Variants in TTF2 observed in about 807,000 individuals in gnomAD.
TTF2 encodes RNA polymerase II termination factor.
TTF2 carries 108 observed loss-of-function variants against 142.4 expected under a neutral mutation model. That is an observed-to-expected ratio of 0.76 (90% confidence interval 0.65 to 0.89). The LOEUF (loss-of-function observed/expected upper bound fraction) is 0.89, where lower values mean the gene tolerates loss of function less well. TTF2 is among the 40% of genes least tolerant of loss of function. The pLI is 0.00. For synonymous variants in TTF2, 483 were observed against 506.2 expected, an observed-to-expected ratio of 0.95 and a Z score of 0.61; for missense variants, 1,327 against 1,379.8, an observed-to-expected ratio of 0.96 and a Z score of 0.61.
chr1:117,095,951 G>C (rs1557831302), intron 19 of TTF2, among the ~76,000 whole-genome samples, 198 bp from the exon 20 acceptor site: 1 of 152,000 alleles, frequency 6.6e-6, no homozygotes, highest in Non-Finnish European at 1.5e-5. Flanking sequence ...ATAAATTGTA[G>C]AAAGGACCTA....
Position 117,076,606 on chromosome 1 carries a change from A to C in TTF2, c.1391-35A>C. Reference sequence around the variant, plus strand: ...TATGGTCCCTTCACTTAGTTTGCTGAACTTTAATCTGCTCTTCCCTTGTTT... The same window carrying C: ...TATGGTCCCTTCACTTAGTTTGCTGCACTTTAATCTGCTCTTCCCTTGTTT... On this transcript the variant is annotated intron_variant, in intron 6 of 22. Coordinates refer to ENST00000369466, the MANE Select transcript of TTF2 (RefSeq NM_003594.4). This position sits in a 1 kb window ranked among gnomAD's most constrained non-coding sequence, Gnocchi z 4.6. 1 of 1,574,202 alleles carries C rather than the reference A, an allele frequency of 6.4e-7. No individual in the cohort carries two copies. The highest frequency in any genetic ancestry group is 8.6e-7 in the Non-Finnish European group (1 of 1,158,236).
Position 117,085,998 on chromosome 1 carries a change from G to A in TTF2, c.2055-419G>A, listed in dbSNP as rs2764854. On this transcript the variant is annotated intron_variant, in intron 11 of 22. Transcript: ENST00000369466. The surrounding 1 kb of genome is among the most constrained non-coding windows in gnomAD (Gnocchi z 4.7). ...AGTTATCTTTCTCCCCTGGGACTTT[G>A]GTGTCATCCATCTCAAATCATTATT... 0.023 allele frequency among the ~76,000 whole-genome samples: 3,564 copies of A among 152,156 alleles called. 78 individuals are homozygous for A. Among genetic ancestry groups the A allele is most frequent in the South Asian group, 0.1 (489 of 4,818 alleles).
chr1:117,062,586 C>A, intron 3 of TTF2, 113 bp downstream of exon 3: 1 of 981,738 alleles, frequency 1.0e-6, no homozygotes, highest in South Asian at 1.9e-5. Context: ...TTTTAAAAAA[C>A]AAAATTTGTA....
chr1:117,064,991 T>C (rs561429333), intron 3 of TTF2, among the ~76,000 whole-genome samples: 72 of 152,192 alleles, frequency 4.7e-4, no homozygotes, highest in Non-Finnish European at 7.9e-4. Flanking sequence ...CTTTTCCCAT[T>C]GAAATGCTTG....
intron 19 of TTF2, 44 bp from the exon 20 acceptor site, chr1:117,096,105 T>C: frequency 6.2e-7 from 1 of 1,608,136 alleles, no homozygotes; most frequent in East Asian, 2.2e-5. Flanking sequence ...ATGAGTCTGT[T>C]TAATCTATGT....
Position 117,070,436 on chromosome 1 carries a change from G to C in TTF2, c.219-3225G>C, listed in dbSNP as rs1470450617. ...CTAAGTATTTGTATATCTAAACAAA[G>C]AAAATGTACAGTAAAAATACAGTAT... On this transcript the variant is annotated intron_variant, in intron 3 of 22. Coordinates refer to ENST00000369466, the MANE Select transcript of TTF2 (RefSeq NM_003594.4). The surrounding 1 kb of genome is among the most constrained non-coding windows in gnomAD (Gnocchi z 4.2). Among the ~76,000 whole-genome samples the C allele has an allele frequency of 6.6e-6, 1 of 152,144 alleles. No homozygotes were observed. The highest frequency in any genetic ancestry group is 2.4e-5 in the African/African-American group (1 of 41,424).
In TTF2 at chr1:117,079,071, C is replaced by G. The variant is rs1316905013; in HGVS notation, c.1702-497C>G. Among the ~76,000 whole-genome samples the G allele has an allele frequency of 2.6e-5, 4 of 152,042 alleles. No individual in the cohort carries two copies. Among genetic ancestry groups the G allele is most frequent in the Non-Finnish European group, 5.9e-5 (4 of 68,000 alleles). The stretch of plus-strand genomic sequence containing the variant: ...CCTGGCCAACATGGTGAAACCCCAT[C>G]TCTACTAAAAATAAGAAAATTAGCT... On this transcript the variant is annotated intron_variant, in intron 8 of 22. Coordinates refer to ENST00000369466, the MANE Select transcript of TTF2 (RefSeq NM_003594.4). This position sits in a 1 kb window ranked among gnomAD's most constrained non-coding sequence, Gnocchi z 4.2.
intron 19 of TTF2, among the ~76,000 whole-genome samples, chr1:117,095,587 A>T (rs1649050404): frequency 6.6e-6 from 1 of 152,224 alleles, no homozygotes; most frequent in Non-Finnish European, 1.5e-5. Context: ...AAAAGTGTTT[A>T]AAAGTAGAGA....
In TTF2 at chr1:117,090,447, A is replaced by G. The variant is rs1648466534; in HGVS notation, c.2497-85A>G. On this transcript the variant is annotated intron_variant, in intron 14 of 22. Transcript: ENST00000369466. The surrounding 1 kb of genome is among the most constrained non-coding windows in gnomAD (Gnocchi z 4.8). ...AGCTGCATTCCAGGGTTGACTAGAT[A>G]TGCAGTGTCAGTATGGGGAATTTGT... 1.5e-6 allele frequency: 2 copies of G among 1,322,748 alleles called. No individual in the cohort carries two copies. The highest frequency in any genetic ancestry group is 1.9e-5 in the Admixed American group (1 of 52,858). 81.9% of individuals were successfully genotyped at this position (1,322,748 alleles called of 1,614,324 possible). A position where few individuals can be genotyped will look rare whatever the true frequency, so the allele number is the denominator to read the frequency against.
intron 3 of TTF2, 48 bp downstream of exon 3, chr1:117,062,521 T>TC: frequency 6.6e-7 from 1 of 1,523,526 alleles, no homozygotes; most frequent in Non-Finnish European, 8.9e-7. Context: ...TTTTTTTTTT[T>TC]TCTCCCTGAA....
At position 117,100,550 on chromosome 1, in the gene TTF2, C is replaced by T. The variant is rs886560713; in HGVS notation, c.3345-830C>T. ...CCACCCGTGATCTGGCCCTACCAGCCTCTTGAGCTTTTGCCATTGTGGACA... is the reference window on the plus strand; with the variant it reads ...CCACCCGTGATCTGGCCCTACCAGCTTCTTGAGCTTTTGCCATTGTGGACA... On this transcript the variant is annotated intron_variant, in intron 22 of 22. Coordinates refer to ENST00000369466, the MANE Select transcript of TTF2 (RefSeq NM_003594.4). The surrounding 1 kb of genome is among the most constrained non-coding windows in gnomAD (Gnocchi z 4.6). Among the ~76,000 whole-genome samples, 1 of 152,176 alleles carries T rather than the reference C, an allele frequency of 6.6e-6. No individual in the cohort carries two copies. The highest frequency in any genetic ancestry group is 6.5e-5 in the Admixed American group (1 of 15,274).
intron 3 of TTF2, among the ~76,000 whole-genome samples, chr1:117,072,530 T>C (rs560367572): frequency 3.5e-4 from 52 of 149,480 alleles, no homozygotes; most frequent in East Asian, 2.4e-3. Flanking sequence ...GTTCAAGCGA[T>C]TCTCCTGCCT....
Position 117,096,228 on chromosome 1 carries a change from A to G in TTF2, c.3115A>G (p.Ile1039Val). The G allele has an allele frequency of 6.2e-7, 1 of 1,614,172 alleles. No individual in the cohort carries two copies. The highest frequency in any genetic ancestry group is 8.5e-7 in the Non-Finnish European group (1 of 1,180,012). Residue 1039 changes from isoleucine (I) to valine (V), a missense_variant, in exon 20 of 23, where the codon ATC (isoleucine) becomes GTC (valine). By Grantham distance (29) the Ile-to-Val change is conservative (BLOSUM62 3). Coordinates refer to ENST00000369466, the MANE Select transcript of TTF2 (RefSeq NM_003594.4). The part of the protein sequence containing the change: ...LKKHGLTYAT[I>V]DGSVNPKQRM... ...GAAGCATGGACTGACTTATGCCACC[A>G]TCGATGGCTCTGTCAATCCCAAGCA... is the stretch of plus-strand genomic sequence containing the variant.
Position 117,076,715 on chromosome 1 carries a change from C to G in TTF2, c.1465C>G (p.Leu489Val). 1 of 1,614,178 alleles carries G rather than the reference C, an allele frequency of 6.2e-7. No homozygotes were observed. Among genetic ancestry groups the G allele is most frequent in the South Asian group, 1.1e-5 (1 of 91,082 alleles). ...FTKTTTGPPHLVPPQPLPRRG... is the reference protein window; with the variant it reads ...FTKTTTGPPHVVPPQPLPRRG... ...CAAAACTACCACTGGCCCTCCCCAC[C>G]TGGTGCCTCCCCAACCCCTTCCTCG... Residue 489 changes from leucine (L) to valine (V), a missense_variant, in exon 7 of 23, where the codon CTG becomes GTG. Transcript: ENST00000369466. The surrounding 1 kb of genome is among the most constrained non-coding windows in gnomAD (Gnocchi z 4.6).
At chr1:117,062,283 A>T in intron 2 of TTF2, 104 bp from the exon 3 acceptor site, 4 of 999,206 alleles carry the variant, frequency 4.0e-6, no homozygotes, top group Admixed American at 2.3e-5. Flanking sequence ...AGTAGAGGTT[A>T]TACATAGATT....
In TTF2 at chr1:117,106,953, T is replaced by C. The variant is rs1170589731; in HGVS notation, c.*5429T>C. Reference sequence around the variant, plus strand: ...AAGACAGCCAAGGTGTTTATCCTGTTACAACATCCCAGAGGACAGAGGCTC... The same window carrying C: ...AAGACAGCCAAGGTGTTTATCCTGTCACAACATCCCAGAGGACAGAGGCTC... On this transcript the variant is annotated 3_prime_UTR_variant, in exon 23 of 23. Coordinates refer to ENST00000369466, the MANE Select transcript of TTF2 (RefSeq NM_003594.4). 1 of 152,232 alleles carries C rather than the reference T, an allele frequency of 6.6e-6. No homozygotes were observed. The highest frequency in any genetic ancestry group is 1.5e-5 in the Non-Finnish European group (1 of 68,044). 9.4% of individuals were successfully genotyped at this position (152,232 alleles called of 1,614,324 possible).
rs565463032 is a variant in TTF2, at chr1:117,065,573, G to A, written c.218+3100G>A. On this transcript the variant is annotated intron_variant, in intron 3 of 22. Transcript: ENST00000369466. ...GATCGCGCCACCGCACTCCAGCTTGGGTGACAGAGCGAGACTCTGTCTCAA... is the reference window on the plus strand; with the variant it reads ...GATCGCGCCACCGCACTCCAGCTTGAGTGACAGAGCGAGACTCTGTCTCAA... 7.2e-5 allele frequency among the ~76,000 whole-genome samples: 11 copies of A among 152,226 alleles called. No individual in the cohort carries two copies. In the East Asian group the frequency reaches 1.9e-3, roughly 27 times the overall value.
At chr1:117,091,734 G>A (rs1307113611) in intron 16 of TTF2, 83 bp from the exon 17 acceptor site, 2 of 1,502,072 alleles carry the variant, frequency 1.3e-6, no homozygotes, top group African/African-American at 1.4e-5. Flanking sequence ...CATGGTTAAA[G>A]TAGCCCCATG....
rs1227157999 is a variant in TTF2, at chr1:117,075,659, G to A, written c.1075G>A (p.Val359Ile). The A allele has an allele frequency of 6.2e-7, 1 of 1,614,036 alleles. No individual in the cohort carries two copies. The highest frequency in any genetic ancestry group is 1.3e-5 in the African/African-American group (1 of 74,924). The change falls in exon 5 of 23, where the codon GTT (valine) becomes ATT (isoleucine). Residue 359 changes from valine (V) to isoleucine (I), a missense_variant. By Grantham distance (29) the Val-to-Ile change is conservative. Transcript: ENST00000369466. The surrounding 1 kb of genome is among the most constrained non-coding windows in gnomAD (Gnocchi z 4.5). ...CAGTGACGACGAGGAGGAAGATGAT[G>A]TTGTTTTTGTTTCCTCTAAGCCTGG... ...TSSDDEEEDD[V>I]VFVSSKPGSP...
Sources: gnomAD v4.1 joint callset for allele counts (sites outside exome capture counted in the v4.1 genomes callset) on GRCh38, gnomAD v4.1.1 for gene constraint, Gnocchi (gnomAD v3.1) non-coding constraint, MANE v1.5 for transcripts, NCBI Gene and HGNC (gene_info 2026-07-23, HGNC 2026-07-21) for gene names.